The following KCNT2 variants were observed in gnomAD, a reference collection of about 807,000 sequenced individuals.
KCNT2 encodes potassium sodium-activated channel subfamily T member 2.
A neutral mutation model predicts 153.8 loss-of-function variants in KCNT2; 67 were observed. The observed-to-expected ratio is 0.44, with a 90% CI of 0.36 to 0.53. The LOEUF (loss-of-function observed/expected upper bound fraction) is 0.53, where lower values mean the gene tolerates loss of function less well. Among genes scored for constraint, KCNT2 ranks in the 20% least tolerant of loss-of-function variants. The probability of loss-of-function intolerance (pLI) is 0.00; values close to 1 mark genes in which losing one functional copy is unlikely to be tolerated. For synonymous variants in KCNT2, 500 were observed against 458.8 expected, an observed-to-expected ratio of 1.09 and a Z score of -1.15; for missense variants, 975 against 1,354.8, an observed-to-expected ratio of 0.72 and a Z score of 4.40.
At chr1:196,288,495 A>T (rs1334392888) in intron 22 of KCNT2, among the ~76,000 whole-genome samples, 1 of 152,056 alleles carries the variant, frequency 6.6e-6, no homozygotes, top group Non-Finnish European at 1.5e-5. Context: ...GCTCACTTTG[A>T]TGACAATGTG....
intron 9 of KCNT2, among the ~76,000 whole-genome samples, chr1:196,429,343 A>G (rs894548815): frequency 1.3e-5 from 2 of 152,032 alleles, no homozygotes; most frequent in East Asian, 3.9e-4. Flanking sequence ...AATGATTGAA[A>G]TAAGATGAGT....
At chr1:196,249,178 G>T (rs918075803) in intron 26 of KCNT2, among the ~76,000 whole-genome samples, 1 of 152,054 alleles carries the variant, frequency 6.6e-6, no homozygotes, top group Admixed American at 6.6e-5. Context: ...CATAACAACA[G>T]ATGCACAGTT....
intron 22 of KCNT2, among the ~76,000 whole-genome samples, chr1:196,293,244 C>T (rs1191262398): frequency 2.6e-5 from 4 of 152,080 alleles, no homozygotes; most frequent in Non-Finnish European, 2.9e-5. Flanking sequence ...ATATCAATGT[C>T]ATTTTTCACA....
chr1:196,562,509 C>T (rs1016656862), intron 1 of KCNT2, among the ~76,000 whole-genome samples: 8 of 151,540 alleles, frequency 5.3e-5, no homozygotes, highest in African/African-American at 1.7e-4. Context: ...TTTTAGTTTA[C>T]AATAACATGG....
At chr1:196,371,105 T>A (rs1668490389) in intron 14 of KCNT2, among the ~76,000 whole-genome samples, 1 of 151,120 alleles carries the variant, frequency 6.6e-6, no homozygotes, top group Admixed American at 6.7e-5. Context: ...TGATTTCAGC[T>A]GAGCCTAATG....
intron 9 of KCNT2, 141 bp downstream of exon 9, chr1:196,429,436 G>A: frequency 4.0e-6 from 2 of 502,476 alleles, no homozygotes; most frequent in Non-Finnish European, 7.0e-6. Flanking sequence ...AGTAATTTAT[G>A]TAATTGATTA....
chr1:196,440,900 A>G (rs1675166959), intron 8 of KCNT2, among the ~76,000 whole-genome samples: 2 of 151,850 alleles, frequency 1.3e-5, no homozygotes, highest in Admixed American at 6.6e-5. Context: ...CTGAGTTCCT[A>G]CAAATCTGAA....
At chr1:196,380,065 T>C (rs1293476172) in intron 13 of KCNT2, among the ~76,000 whole-genome samples, 1 of 152,186 alleles carries the variant, frequency 6.6e-6, no homozygotes, top group Non-Finnish European at 1.5e-5. Flanking sequence ...TGTTATTCAA[T>C]TAAAAACATG....
At chr1:196,273,425 A>G in intron 25 of KCNT2, 2 of 1,370,480 alleles carry the variant, frequency 1.5e-6, no homozygotes, top group Non-Finnish European at 2.0e-6. Context: ...GAATTAATAT[A>G]TTACACCATT....
intron 1 of KCNT2, among the ~76,000 whole-genome samples, chr1:196,541,234 A>G (rs2148873190): frequency 6.6e-6 from 1 of 152,190 alleles, no homozygotes; most frequent in East Asian, 1.9e-4. Context: ...CAAAGAAGTC[A>G]GTAAATATGT....
chr1:196,342,337 G>T, intron 14 of KCNT2, 109 bp from the exon 15 acceptor site: 2 of 848,036 alleles, frequency 2.4e-6, no homozygotes, highest in Non-Finnish European at 3.5e-6. Context: ...GAACTGGCAA[G>T]CACAATCCAA....
At chr1:196,278,278 T>C (rs1419178630) in intron 25 of KCNT2, among the ~76,000 whole-genome samples, 2 of 152,184 alleles carry the variant, frequency 1.3e-5, no homozygotes, top group East Asian at 1.9e-4. Flanking sequence ...TACGACAAAA[T>C]ATTTTGTTGT....
intron 25 of KCNT2, among the ~76,000 whole-genome samples, chr1:196,261,157 T>C (rs1656991184): frequency 1.3e-5 from 2 of 151,960 alleles, no homozygotes; most frequent in South Asian, 2.1e-4. Context: ...CTAGTGGAAA[T>C]AGTATAGTGC....
chr1:196,264,836 G>T (rs541020265), intron 25 of KCNT2, among the ~76,000 whole-genome samples: 37 of 152,138 alleles, frequency 2.4e-4, no homozygotes, highest in African/African-American at 8.9e-4. Context: ...TCACCATGTT[G>T]CCCTGGCTGG....
chr1:196,495,442 T>C (rs1172154109), intron 1 of KCNT2, among the ~76,000 whole-genome samples: 1 of 152,096 alleles, frequency 6.6e-6, no homozygotes, highest in Non-Finnish European at 1.5e-5. Context: ...AAATATAATC[T>C]CACCGCTTCC....
intron 19 of KCNT2, among the ~76,000 whole-genome samples, chr1:196,322,051 C>T (rs1175282937): frequency 6.6e-6 from 1 of 151,820 alleles, no homozygotes; most frequent in Non-Finnish European, 1.5e-5. Context: ...ATTCCTAAAA[C>T]TAGATGTCCT....
chr1:196,417,479 C>A (rs374809372), intron 12 of KCNT2, among the ~76,000 whole-genome samples: 4 of 152,228 alleles, frequency 2.6e-5, no homozygotes, highest in South Asian at 4.1e-4. Flanking sequence ...TATTTCCACT[C>A]CGCAGAGGCA....
intron 1 of KCNT2, among the ~76,000 whole-genome samples, chr1:196,574,351 T>C (rs1661117527): frequency 1.3e-5 from 2 of 151,724 alleles, no homozygotes; most frequent in South Asian, 4.2e-4. Flanking sequence ...CACTATCTAG[T>C]GTGACTATCA....
intron 23 of KCNT2, 148 bp downstream of exon 23, chr1:196,285,509 T>C (rs1571908845): frequency 3.7e-6 from 2 of 537,148 alleles, no homozygotes; most frequent in East Asian, 6.0e-5. Context: ...TTTATGTCAT[T>C]AAGTACATGA....
Sources: allele counts gnomAD v4.1 joint callset (sites outside exome capture counted in the v4.1 genomes callset), GRCh38; gene constraint gnomAD v4.1.1; transcripts MANE v1.5; gene names NCBI Gene and HGNC (gene_info 2026-07-23, HGNC 2026-07-21).